The following SCMH1 variants were observed in gnomAD, a reference collection of about 807,000 sequenced individuals.
SCMH1 encodes Scm polycomb group protein homolog 1, also known as polycomb protein SCMH1.
A neutral mutation model predicts 70.8 loss-of-function variants in SCMH1; 37 were observed. The observed-to-expected ratio is 0.52, with a 90% CI of 0.40 to 0.69. SCMH1 has a LOEUF of 0.69. SCMH1 is among the 30% of genes least tolerant of loss of function. The pLI, the probability that SCMH1 is intolerant of heterozygous loss-of-function variation, is 0.00. For synonymous variants in SCMH1, 292 were observed against 307.4 expected (o/e 0.95, Z 0.52); for missense variants, 607 against 827.3 (o/e 0.73, Z 3.27).
intron 1 of SCMH1, among the ~76,000 whole-genome samples, chr1:41,197,626 A>G (rs1322355352): frequency 6.6e-6 from 1 of 152,168 alleles, no homozygotes; most frequent in Non-Finnish European, 1.5e-5. Context: ...GGTGCAGGCT[A>G]CACACACTAT....
intron 8 of SCMH1, among the ~76,000 whole-genome samples, chr1:41,106,009 T>C (rs804661): frequency 6.6e-6 from 1 of 151,044 alleles, no homozygotes; most frequent in Non-Finnish European, 1.5e-5. Context: ...CTAGTAGCTG[T>C]GATTACAGGT....
intron 10 of SCMH1, among the ~76,000 whole-genome samples, chr1:41,055,486 A>G (rs1649913472): frequency 6.6e-6 from 1 of 152,152 alleles, no homozygotes; most frequent in Admixed American, 6.5e-5. Flanking sequence ...AGTAGCTGGG[A>G]CTACAGGCAC....
rs148301833 is a variant in SCMH1, at chr1:41,116,958, A to G, written c.465T>C (p.Asn155=). The G allele has an allele frequency of 6.2e-5, 100 of 1,604,690 alleles. No individual in the cohort carries two copies. The African/African-American group carries it at 1.0e-3, about 17-fold the overall frequency. ...TCCTGATGGGAGCCATCTCTGCTCC[A>G]TTTAGCGTCTTCAAAAGGAACATGG... The change falls in exon 7 of 15, where the codon AAT becomes AAC. Residue 155 remains asparagine (N), a synonymous_variant. Coordinates refer to ENST00000337495, the Ensembl canonical transcript of SCMH1.
chr1:41,151,564 TA>T, intron 5 of SCMH1, 49 bp downstream of exon 5: 17 of 1,475,608 alleles, frequency 1.2e-5, no homozygotes, highest in East Asian at 2.3e-5. Context: ...CTAAAAACCA[TA>T]AAAAAATGAC....
chr1:41,107,819 A>T (rs973447422), intron 8 of SCMH1, among the ~76,000 whole-genome samples: 7 of 152,190 alleles, frequency 4.6e-5, no homozygotes, highest in African/African-American at 1.7e-4. Context: ...CGCCTAGCCT[A>T]GGATTACAAT....
At chr1:41,143,222 T>C in intron 5 of SCMH1, 110 bp from the exon 6 acceptor site, 1 of 711,424 alleles carries the variant, frequency 1.4e-6, no homozygotes, top group Non-Finnish European at 2.4e-6. Context: ...ACTGAATTAT[T>C]CCCTAATAAT....
At chr1:41,227,802 C>A (rs977967103) in intron 1 of SCMH1, among the ~76,000 whole-genome samples, 1 of 152,070 alleles carries the variant, frequency 6.6e-6, no homozygotes, top group African/African-American at 2.4e-5. Context: ...CATAGTGAAA[C>A]CCCGTCTCTA....
chr1:41,237,900 G>C (rs1212139146), intron 1 of SCMH1, among the ~76,000 whole-genome samples: 1 of 152,160 alleles, frequency 6.6e-6, no homozygotes, highest in East Asian at 1.9e-4. Context: ...ATTTCAGCTA[G>C]CAGAGCATAA....
chr1:41,081,572 C>T (rs1413517952), intron 8 of SCMH1, among the ~76,000 whole-genome samples: 1 of 152,152 alleles, frequency 6.6e-6, no homozygotes, highest in Non-Finnish European at 1.5e-5. Context: ...AACCCCAGCA[C>T]TCTGGGAGAC....
chr1:41,027,589 T>A (rs1643955284), exon 15 of SCMH1: 1 of 152,330 alleles, frequency 6.6e-6, no homozygotes. Flanking sequence ...GAAAGTGCCC[T>A]AGGGTAGTGT....
intron 10 of SCMH1, among the ~76,000 whole-genome samples, chr1:41,062,715 G>GGGGACA (rs547120192): frequency 1.4e-4 from 21 of 151,216 alleles, no homozygotes; most frequent in Non-Finnish European, 2.8e-4. Context: ...CTCCAGCCTG[G>GGGGACA]GGGACAGAGA....
At chr1:41,152,967 C>CAA (rs1332526248) in intron 4 of SCMH1, among the ~76,000 whole-genome samples, 3 of 152,170 alleles carry the variant, frequency 2.0e-5, no homozygotes, top group Admixed American at 6.5e-5. Context: ...GTCCATAGGG[C>CAA]AAATGAGATG....
intron 4 of SCMH1, among the ~76,000 whole-genome samples, chr1:41,156,542 G>A (rs576297685): frequency 9.9e-5 from 15 of 152,088 alleles, no homozygotes; most frequent in Admixed American, 2.6e-4. Flanking sequence ...GGGCTCAAGC[G>A]ATCCTCTCAT....
chr1:41,120,394 T>C (rs1456422831), intron 6 of SCMH1, among the ~76,000 whole-genome samples: 1 of 152,204 alleles, frequency 6.6e-6, no homozygotes, highest in Non-Finnish European at 1.5e-5. Flanking sequence ...TTATCCCTAC[T>C]CTACAGATGA....
In SCMH1 at chr1:41,037,544, G is replaced by GA; in HGVS notation, c.1499-4dup. 1 of 1,613,090 alleles carries GA rather than the reference G, an allele frequency of 6.2e-7. No homozygotes were observed. The highest frequency in any genetic ancestry group is 8.5e-7 in the Non-Finnish European group (1 of 1,179,410). On this transcript the variant is annotated splice_polypyrimidine_tract_variant and splice_region_variant and intron_variant, in intron 12 of 14. Transcript: ENST00000337495. Reference sequence around the variant, plus strand: ...ATTCCCCAGGACAAAGGTTTCACCTGAAAAACAGTAAAACCAGAGTTAGAG... The same window carrying GA: ...ATTCCCCAGGACAAAGGTTTCACCTGAAAAAACAGTAAAACCAGAGTTAGAG...
At chr1:41,175,484 T>A (rs1327182335) in intron 2 of SCMH1, among the ~76,000 whole-genome samples, 2 of 152,258 alleles carry the variant, frequency 1.3e-5, no homozygotes, top group African/African-American at 4.8e-5. Flanking sequence ...TATAATCCTG[T>A]GAGCCAATTT....
At chr1:41,058,378 G>GTT (rs548733204) in intron 10 of SCMH1, among the ~76,000 whole-genome samples, 5,266 of 81,120 alleles carry the variant, frequency 0.065, 1,017 homozygotes, top group Middle Eastern at 0.12. Context: ...TTTCTTTCTT[G>GTT]TTTTTTTTTT....
chr1:41,044,295 G>C (rs974401823), intron 12 of SCMH1, among the ~76,000 whole-genome samples: 2 of 152,052 alleles, frequency 1.3e-5, no homozygotes, highest in Admixed American at 6.6e-5. Context: ...AGAAGGGCAG[G>C]AGTCATAAAT....
chr1:41,219,676 T>C (rs1658832273), intron 1 of SCMH1, among the ~76,000 whole-genome samples: 1 of 152,218 alleles, frequency 6.6e-6, no homozygotes, highest in African/African-American at 2.4e-5. Context: ...ATGCCTGTAA[T>C]CCCGGCACTT....
Sources: allele counts gnomAD v4.1 joint callset (sites outside exome capture counted in the v4.1 genomes callset), GRCh38; gene constraint gnomAD v4.1.1; transcripts MANE v1.5; gene names NCBI Gene and HGNC (gene_info 2026-07-23, HGNC 2026-07-21).